Variants in JADE1 observed in about 807,000 individuals in gnomAD.
The protein encoded by JADE1 is protein Jade-1.
JADE1 carries 14 observed loss-of-function variants against 81.8 expected under a neutral mutation model. That is an observed-to-expected ratio of 0.17 (90% CI 0.11 to 0.27). JADE1 has a LOEUF of 0.27. Ranked by LOEUF, JADE1 falls within the 10% of genes least tolerant of loss-of-function variation. The pLI is 1.00. For missense variants in JADE1, 690 were observed against 1,047.9 expected (o/e 0.66, Z 4.71); for synonymous variants, 353 against 391.9 (o/e 0.90, Z 1.17).
intron 9 of JADE1, among the ~76,000 whole-genome samples, chr4:128,866,866 T>C (rs1438404126): frequency 1.3e-5 from 2 of 152,240 alleles, no homozygotes; most frequent in Non-Finnish European, 2.9e-5. Flanking sequence ...TGGTGTGCTG[T>C]GTCTGACATC....
Position 128,809,808 on chromosome 4 carries a change from C to G in JADE1, c.-96C>G, listed in dbSNP as rs1427960816. 1.3e-5 allele frequency: 2 copies of G among 151,868 alleles called. No individual in the cohort carries two copies. Among genetic ancestry groups the G allele is most frequent in the South Asian group, 2.0e-4 (1 of 5,028 alleles). 9.4% of individuals were successfully genotyped at this position (151,868 alleles called of 1,614,324 possible). A position where few individuals can be genotyped will look rare whatever the true frequency, so the allele number is the denominator to read the frequency against. The stretch of plus-strand genomic sequence containing the variant: ...GCCCGGCTCCCCGCCCGCCGCGGCC[C>G]GAACTCATGCAGCTCCGAGCGAGCG... On this transcript the variant is annotated 5_prime_UTR_variant, in exon 1 of 11. Coordinates refer to ENST00000226319, the MANE Select transcript of JADE1 (RefSeq NM_199320.4).
chr4:128,840,914 C>G (rs1729383780), intron 2 of JADE1, among the ~76,000 whole-genome samples: 1 of 152,228 alleles, frequency 6.6e-6, no homozygotes, highest in South Asian at 2.1e-4. Context: ...AGTCAGTTGA[C>G]CTAGTAATGA....
chr4:128,828,914 G>C (rs1019582436), intron 1 of JADE1, among the ~76,000 whole-genome samples: 1 of 152,040 alleles, frequency 6.6e-6, no homozygotes, highest in African/African-American at 2.4e-5. Flanking sequence ...CAAAGTTCTA[G>C]GATTACACAT....
At chr4:128,813,073 A>G (rs992550949) in intron 1 of JADE1, among the ~76,000 whole-genome samples, 1 of 152,236 alleles carries the variant, frequency 6.6e-6, no homozygotes, top group Non-Finnish European at 1.5e-5. Context: ...CTAATGAACT[A>G]GTTTTAAGAT....
At chr4:128,865,623 A>G (rs1731724622) in intron 9 of JADE1, among the ~76,000 whole-genome samples, 1 of 152,146 alleles carries the variant, frequency 6.6e-6, no homozygotes, top group African/African-American at 2.4e-5. Context: ...AGTCAGGTTT[A>G]GAGTCCTCAC....
chr4:128,852,808 G>A (rs1730467710), intron 6 of JADE1, among the ~76,000 whole-genome samples: 1 of 152,114 alleles, frequency 6.6e-6, no homozygotes, highest in African/African-American at 2.4e-5. Flanking sequence ...GCCCTTCCTT[G>A]CCTCTTCGTA....
chr4:128,858,221 A>G (rs1157617188), intron 8 of JADE1, among the ~76,000 whole-genome samples: 1 of 152,162 alleles, frequency 6.6e-6, no homozygotes, highest in Non-Finnish European at 1.5e-5. Flanking sequence ...TAAGGAGGGA[A>G]TATAGATGGC....
At chr4:128,812,638 G>T (rs1394585575) in intron 1 of JADE1, among the ~76,000 whole-genome samples, 3 of 152,236 alleles carry the variant, frequency 2.0e-5, no homozygotes, top group Non-Finnish European at 4.4e-5. Context: ...GGCGGCCGCA[G>T]TCCCGGCGCC....
intron 9 of JADE1, among the ~76,000 whole-genome samples, chr4:128,867,081 A>G (rs977499718): frequency 4.6e-5 from 7 of 152,170 alleles, no homozygotes; most frequent in Admixed American, 2.6e-4. Flanking sequence ...AGTAGAGCCA[A>G]CTCTTAGCAC....
At chr4:128,852,919 C>CTT (rs59763506) in intron 6 of JADE1, among the ~76,000 whole-genome samples, 18 of 140,672 alleles carry the variant, frequency 1.3e-4, no homozygotes, top group African/African-American at 2.9e-4. Context: ...TGGTGGTCTT[C>CTT]TTTTTTTTTT....
In JADE1 at chr4:128,849,029, A is replaced by G. The variant is rs1398406448; in HGVS notation, c.346A>G (p.Ile116Val). Residue 116 changes from isoleucine (I) to valine (V), a missense_variant, in exon 5 of 11, where the codon ATC becomes GTC. Ile to Val is a conservative substitution (Grantham distance 29). Around this residue, in one of 8 missense-constraint regions of JADE1, gnomAD observed 98 missense variants for 161.3 expected, o/e 0.61. Transcript: ENST00000226319. ...CATGTTCATCAGGCCCAAGAAGTAC[A>G]TCGTGTCATCAGGCTCTGAGCCTCC... ...SLMFIRPKKYIVSSGSEPPEL... is the reference protein window; with the variant it reads ...SLMFIRPKKYVVSSGSEPPEL... 6.2e-7 allele frequency: 1 copy of G among 1,614,056 alleles called. No individual in the cohort carries two copies. The highest frequency in any genetic ancestry group is 1.3e-5 in the African/African-American group (1 of 74,992).
intron 2 of JADE1, among the ~76,000 whole-genome samples, chr4:128,837,678 C>A (rs183209849): frequency 6.6e-4 from 100 of 152,266 alleles, no homozygotes; most frequent in African/African-American, 1.6e-3. Flanking sequence ...CTCATAGATG[C>A]GTTTGTCAGG....
chr4:128,871,522 C>T lies in JADE1; in HGVS notation c.1789C>T (p.Arg597Ter). The T allele has an allele frequency of 6.2e-7, 1 of 1,614,146 alleles. No individual in the cohort carries two copies. ...TCATTCGCTGAAAAAGCCCCATAAG[C>T]GAGATCCTTTGCAGAATAGCCCTGG... ...LVHSLKKPHK[R>*]DPLQNSPGSE... The change falls in exon 11 of 11, where the codon CGA (arginine) becomes TGA (stop). Residue 597 changes from arginine to a stop codon, truncating the protein, a stop_gained. Transcript: ENST00000226319. LOFTEE classifies it high-confidence loss of function. This position sits in a 1 kb window ranked among gnomAD's most constrained non-coding sequence, Gnocchi z 4.1.
intron 1 of JADE1, among the ~76,000 whole-genome samples, chr4:128,830,402 T>A (rs1283873526): frequency 6.6e-6 from 1 of 151,790 alleles, no homozygotes; most frequent in Non-Finnish European, 1.5e-5. Flanking sequence ...CCCGGCTAAT[T>A]TTTATATTTT....
At chr4:128,861,605 T>C in intron 8 of JADE1, 99 bp from the exon 9 acceptor site, 1 of 1,308,446 alleles carries the variant, frequency 7.6e-7, no homozygotes, top group Non-Finnish European at 1.1e-6. Context: ...GCATGGCTCT[T>C]CTCTGTGCAT....
chr4:128,815,714 G>A (rs1171952661), intron 1 of JADE1, among the ~76,000 whole-genome samples: 1 of 152,108 alleles, frequency 6.6e-6, no homozygotes, highest in Non-Finnish European at 1.5e-5. Context: ...AGTTCTGCTT[G>A]CTGCTTTACT....
intron 10 of JADE1, among the ~76,000 whole-genome samples, chr4:128,868,767 T>G (rs1731971075): frequency 1.3e-5 from 2 of 152,170 alleles, no homozygotes; most frequent in Non-Finnish European, 2.9e-5. Context: ...GTATAAGGAT[T>G]TCAGAGAAGC....
chr4:128,857,508 A>C (rs1730894640), intron 8 of JADE1, 54 bp downstream of exon 8: 1 of 1,373,282 alleles, frequency 7.3e-7, no homozygotes. Context: ...GGTGGGGAGC[A>C]GGATGAGGGA....
At position 128,831,551 on chromosome 4, in the gene JADE1, C is replaced by T; in HGVS notation, c.-26-182C>T. On this transcript the variant is annotated intron_variant, in intron 1 of 10. Transcript: ENST00000226319. The stretch of plus-strand genomic sequence containing the variant: ...CCACCCCTCCCCCTCCTTTTTTAAC[C>T]TGGTTTGTTAATGATTGCACCTAAT... 5.5e-6 allele frequency: 3 copies of T among 542,666 alleles called. 1 individual carries two copies. Among genetic ancestry groups the T allele is most frequent in the Non-Finnish European group, 3.3e-6 (1 of 306,136 alleles). 33.6% of individuals were successfully genotyped at this position (542,666 alleles called of 1,614,324 possible). A position where few individuals can be genotyped will look rare whatever the true frequency, so the allele number is the denominator to read the frequency against.
Sources: gnomAD v4.1 joint callset for allele counts (sites outside exome capture counted in the v4.1 genomes callset) on GRCh38, gnomAD v4.1.1 for gene constraint, gnomAD v4.1.1 regional missense constraint, Gnocchi (gnomAD v3.1) non-coding constraint, MANE v1.5 for transcripts, NCBI Gene and HGNC (gene_info 2026-07-23, HGNC 2026-07-21) for gene names.